Variants in MYO16 observed in about 807,000 individuals in gnomAD.
MYO16 encodes the protein unconventional myosin-XVI.
Under a neutral mutation model 205.3 loss-of-function variants are expected in MYO16, and 94 were observed. The ratio of observed to expected loss-of-function variants is 0.46; its 90% confidence interval spans 0.39 to 0.54. MYO16 has a LOEUF of 0.54. Ranked by LOEUF, MYO16 falls within the 20% of genes least tolerant of loss-of-function variation. MYO16 has a pLI of 0.00. For missense variants in MYO16, 2,315 were observed against 2,387.5 expected, an observed-to-expected ratio of 0.97 and a Z score of 0.63; for synonymous variants, 988 against 954.0, an observed-to-expected ratio of 1.04 and a Z score of -0.66.
Position 109,028,490 on chromosome 13 carries a change from T to G in MYO16, c.2796+8579T>G, listed in dbSNP as rs1555325797. ...AATATATATTCTTTACCATTTAGTT[T>G]TATAACTAATACTTTAATCAGGCAT... On this transcript the variant is annotated intron_variant, in intron 23 of 34. Transcript: ENST00000457511. The G allele has an allele frequency of 1.1e-4, 22 of 207,382 alleles. 1 individual carries two copies. In the Middle Eastern group the frequency reaches 3.1e-3, roughly 29 times the overall value. 12.8% of individuals were successfully genotyped at this position (207,382 alleles called of 1,614,324 possible). A position where few individuals can be genotyped will look rare whatever the true frequency, so the allele number is the denominator to read the frequency against.
At chr13:109,084,363 G>A (rs1012326976) in intron 27 of MYO16, among the ~76,000 whole-genome samples, 1 of 139,698 alleles carries the variant, frequency 7.2e-6, no homozygotes, top group African/African-American at 2.6e-5. Context: ...TTGATGACTT[G>A]ATGATGACTT....
At chr13:108,795,164 T>C (rs1023847755) in intron 6 of MYO16, among the ~76,000 whole-genome samples, 1 of 150,512 alleles carries the variant, frequency 6.6e-6, no homozygotes, top group Non-Finnish European at 1.5e-5. Flanking sequence ...ATGTTATAGT[T>C]GTATAGGCTT....
chr13:108,899,432 AAAAAG>A (rs1033680208), intron 15 of MYO16, among the ~76,000 whole-genome samples: 1 of 152,166 alleles, frequency 6.6e-6, no homozygotes, highest in Non-Finnish European at 1.5e-5. Context: ...TCAAAAAAAA[AAAAAG>A]AAAGAAAGAA....
At chr13:108,794,508 T>C (rs1886723573) in intron 6 of MYO16, among the ~76,000 whole-genome samples, 1 of 152,240 alleles carries the variant, frequency 6.6e-6, no homozygotes, top group Non-Finnish European at 1.5e-5. Context: ...TTCATTTTAG[T>C]GTTCAGTAAA....
At chr13:109,005,781 T>G (rs1198229602) in intron 21 of MYO16, among the ~76,000 whole-genome samples, 1 of 152,180 alleles carries the variant, frequency 6.6e-6, no homozygotes, top group East Asian at 1.9e-4. Context: ...CCACACTCCC[T>G]TCTGTGTTCA....
At chr13:108,999,378 C>T (rs952993455) in intron 21 of MYO16, among the ~76,000 whole-genome samples, 19 of 152,146 alleles carry the variant, frequency 1.2e-4, no homozygotes, top group Non-Finnish European at 2.1e-4. Flanking sequence ...CAGGGACTTA[C>T]CAGCTGTTGA....
Position 108,848,056 on chromosome 13 carries a change from A to G in MYO16, c.1248+3563A>G, listed in dbSNP as rs148101784. On this transcript the variant is annotated intron_variant, in intron 10 of 34. Coordinates refer to ENST00000457511, the MANE Select transcript of MYO16 (RefSeq NM_001198950.3). ...TTCAGGTCTGCAGCTCTGGAGCTCT[A>G]TGGAAGTCCCATAGCCTTACTGAGC... Among the ~76,000 whole-genome samples, 6 of 152,296 alleles carry G rather than the reference A, an allele frequency of 3.9e-5. No individual in the cohort carries two copies. In the East Asian group the frequency reaches 5.8e-4, roughly 15 times the overall value.
intron 4 of MYO16, among the ~76,000 whole-genome samples, chr13:108,750,934 C>T (rs35375894): frequency 0.012 from 1,895 of 152,200 alleles, 48 homozygotes; most frequent in African/African-American, 0.043. Flanking sequence ...GGGGAGGAGG[C>T]TAGAGTGACT....
intron 4 of MYO16, among the ~76,000 whole-genome samples, chr13:108,739,993 A>C (rs1001902734): frequency 6.6e-6 from 1 of 152,186 alleles, no homozygotes; most frequent in Non-Finnish European, 1.5e-5. Flanking sequence ...CCATCAGGTC[A>C]TTTAAGGACT....
Position 108,710,119 on chromosome 13 carries a change from C to T in MYO16, c.293-2542C>T, listed in dbSNP as rs1282325732. ...TGTTCTTTATGAGTTTCATGATTGCCCACTGTAGTGATCTGGAGCTCTCCC... is the reference window on the plus strand; with the variant it reads ...TGTTCTTTATGAGTTTCATGATTGCTCACTGTAGTGATCTGGAGCTCTCCC... On this transcript the variant is annotated intron_variant, in intron 2 of 34. Transcript: ENST00000457511. 2.6e-5 allele frequency among the ~76,000 whole-genome samples: 4 copies of T among 152,212 alleles called. 1 individual carries two copies. Among genetic ancestry groups the T allele is most frequent in the Middle Eastern group, 6.8e-3 (2 of 294 alleles).
At chr13:108,642,627 A>C (rs1221465262) in intron 1 of MYO16, among the ~76,000 whole-genome samples, 1 of 152,010 alleles carries the variant, frequency 6.6e-6, no homozygotes, top group Non-Finnish European at 1.5e-5. Context: ...CATGTTGGCC[A>C]GGCTGGTCTC....
chr13:109,086,448 GGA>G (rs1888437222), intron 27 of MYO16, among the ~76,000 whole-genome samples: 2 of 152,126 alleles, frequency 1.3e-5, no homozygotes, highest in African/African-American at 4.8e-5. Flanking sequence ...ATATATTAGT[GGA>G]TATTAAGAGA....
chr13:108,532,198 T>G, the MYO16 span, among the ~76,000 whole-genome samples: 1 of 151,734 alleles, frequency 6.6e-6, no homozygotes, highest in African/African-American at 2.4e-5. Flanking sequence ...AGAGTGAGAC[T>G]CTGTCTCAAA....
chr13:109,022,962 A>G (rs1480921549), intron 23 of MYO16, among the ~76,000 whole-genome samples: 1 of 135,636 alleles, frequency 7.4e-6, no homozygotes, highest in East Asian at 2.1e-4. Flanking sequence ...TTTATATATT[A>G]TATATACACG....
At chr13:108,766,725 T>C (rs2139667320) in intron 4 of MYO16, among the ~76,000 whole-genome samples, 1 of 152,328 alleles carries the variant, frequency 6.6e-6, no homozygotes, top group Non-Finnish European at 1.5e-5. Context: ...TTTCAGTCAT[T>C]TTCAGGGTTT....
chr13:108,824,325 C>G (rs1876142975), intron 9 of MYO16, among the ~76,000 whole-genome samples: 1 of 152,048 alleles, frequency 6.6e-6, no homozygotes, highest in Non-Finnish European at 1.5e-5. Flanking sequence ...AGTGTTTTAA[C>G]ATGATATACA....
Position 109,009,022 on chromosome 13 carries a change from G to C in MYO16, c.2568G>C (p.Gln856His), listed in dbSNP as rs760548308. Residue 856 changes from glutamine (Q) to histidine (H), a missense_variant, in exon 22 of 35, where the codon CAG (glutamine) becomes CAC (histidine). By Grantham distance (24) the Gln-to-His change is conservative. Around this residue, in one of 3 missense-constraint regions of MYO16, gnomAD observed 1,213 missense variants for 1,274.4 expected, o/e 0.95. Transcript: ENST00000457511. ...TMETAYSPGN[Q>H]NGVLDFFFQK... Reference sequence around the variant, plus strand: ...AAACAGCATATTCTCCTGGTAACCAGAATGGAGTTTTGGACTTTTTTTTCC... The same window carrying C: ...AAACAGCATATTCTCCTGGTAACCACAATGGAGTTTTGGACTTTTTTTTCC... 4.4e-6 allele frequency: 7 copies of C among 1,597,218 alleles called. No individual in the cohort carries two copies. The highest frequency in any genetic ancestry group is 6.0e-6 in the Non-Finnish European group (7 of 1,175,074).
chr13:109,085,489 G>A (rs1888412079), intron 27 of MYO16, among the ~76,000 whole-genome samples: 1 of 152,210 alleles, frequency 6.6e-6, no homozygotes, highest in African/African-American at 2.4e-5. Context: ...GACTGGGGAT[G>A]TGAGAGGATG....
intron 16 of MYO16, among the ~76,000 whole-genome samples, chr13:108,912,133 G>A (rs1254390255): frequency 6.6e-6 from 1 of 152,178 alleles, no homozygotes; most frequent in Non-Finnish European, 1.5e-5. Context: ...GAACTGCTTG[G>A]AGAAATTACA....
Sources: gnomAD v4.1 joint callset for allele counts (sites outside exome capture counted in the v4.1 genomes callset) on GRCh38, gnomAD v4.1.1 for gene constraint, gnomAD v4.1.1 regional missense constraint, MANE v1.5 for transcripts, NCBI Gene and HGNC (gene_info 2026-07-23, HGNC 2026-07-21) for gene names.